ZNF7: variants seen among roughly 807,000 people sequenced by gnomAD.
ZNF7 encodes zinc finger protein 7, also known as C2-H2 type zinc finger protein.
ZNF7 carries 10 observed loss-of-function variants against 12.0 expected under a neutral mutation model. The ratio of observed to expected loss-of-function variants is 0.83; its 90% CI spans 0.51 to 1.42. The LOEUF is 1.42. ZNF7 is among the 40% of genes most tolerant of loss of function. ZNF7 has a pLI of 0.00. For synonymous variants in ZNF7, 334 were observed against 295.0 expected (o/e 1.13, Z -1.35); for missense variants, 854 against 837.2 (o/e 1.02, Z -0.25).
rs370062454 is a variant in ZNF7, at chr8:144,829,495, C to G, written c.21C>G (p.Gly7=). ...CCTTTCAGGAGGTGGTAACATTTGG[C>G]GATGTGGCTGTGCACTTCTCTCGGG... The part of the protein sequence containing the change: MEVVTF[G]DVAVHFSREE... Residue 7 remains glycine (G), a synonymous_variant, in exon 3 of 5, where the codon GGC becomes GGG. Transcript: ENST00000532777. 1 of 1,614,072 alleles carries G rather than the reference C, an allele frequency of 6.2e-7. No individual in the cohort carries two copies.
Position 144,842,148 on chromosome 8 carries a change from G to A in ZNF7, c.1041G>A (p.Ser347=), listed in dbSNP as rs769607840. The change falls in exon 5 of 5, where the codon TCG becomes TCA. Residue 347 remains serine, a synonymous_variant. Transcript: ENST00000532777. ...GTGGGAAAGCCTTCAGCCAGCAGTC[G>A]CAGCTGGTTAGACACCAGAGAACTC... ...RECGKAFSQQ[S]QLVRHQRTHT... 9.9e-6 allele frequency: 16 copies of A among 1,613,278 alleles called. No individual in the cohort carries two copies. Among genetic ancestry groups the A allele is most frequent in the Admixed American group, 1.7e-5 (1 of 59,966 alleles).
At chr8:144,847,340 G>A (rs1266679600), downstream of ZNF7, 3 of 152,248 alleles carry the variant, frequency 2.0e-5, no homozygotes, top group African/African-American at 7.2e-5. Context: ...AGCACTTTGA[G>A]AGGCCAAGGA....
intron 3 of ZNF7, chr8:144,834,166 G>A (rs990453797): frequency 6.6e-6 from 1 of 152,192 alleles, no homozygotes; most frequent in Admixed American, 6.5e-5. Context: ...CAATGTAAAA[G>A]TTTTGATTTT....
chr8:144,843,386 G>A lies in ZNF7; in HGVS notation c.*218G>A, dbSNP rs537540021. On this transcript the variant is annotated 3_prime_UTR_variant, in exon 5 of 5. Transcript: ENST00000532777. ...GGGCACATCACGAGGTCAGGAGGTT[G>A]AGACCATCCTGGGTAACAGGTGAAA... is the stretch of plus-strand genomic sequence containing the variant. 1.6e-4 allele frequency: 76 copies of A among 488,966 alleles called. No individual in the cohort carries two copies. Among genetic ancestry groups the A allele is most frequent in the Non-Finnish European group, 1.3e-4 (37 of 287,092 alleles). 30.3% of individuals were successfully genotyped at this position (488,966 alleles called of 1,614,324 possible).
At chr8:144,840,222 G>C (rs1445825622) in intron 4 of ZNF7, among the ~76,000 whole-genome samples, 1 of 152,234 alleles carries the variant, frequency 6.6e-6, no homozygotes, top group Non-Finnish European at 1.5e-5. Flanking sequence ...TGAGGACCAG[G>C]CCTGGAGATG....
intron 3 of ZNF7, chr8:144,837,132 G>A (rs977813979): frequency 2.1e-5 from 7 of 332,366 alleles, no homozygotes; most frequent in African/African-American, 1.4e-4. Context: ...TTTGCAGACT[G>A]TTTGGTGACA....
downstream of ZNF7, chr8:144,846,250 G>C (rs1830506375): frequency 1.4e-6 from 2 of 1,442,408 alleles, no homozygotes; most frequent in Middle Eastern, 1.8e-4. Flanking sequence ...AAAGGGGCTG[G>C]GGTGCAAGCT....
Position 144,841,561 on chromosome 8 carries a change from T to C in ZNF7, c.454T>C (p.Cys152Arg), listed in dbSNP as rs761187299. 2.4e-5 allele frequency: 39 copies of C among 1,614,076 alleles called. No individual in the cohort carries two copies. The highest frequency in any genetic ancestry group is 3.1e-5 in the Non-Finnish European group (37 of 1,180,022). The change falls in exon 5 of 5, where the codon TGT becomes CGT. Residue 152 changes from cysteine (C) to arginine (R), a missense_variant. Transcript: ENST00000532777. ...KVTGFTFQNN[C>R]LNEETVVPKT... is the part of the protein sequence containing the mutation. ...GACAGGCTTTACCTTCCAAAATAAC[T>C]GTTTGAATGAGGAGACTGTGGTTCC... is the stretch of plus-strand genomic sequence containing the variant.
At chr8:144,846,170 A>G, downstream of ZNF7, 1 of 1,536,052 alleles carries the variant, frequency 6.5e-7, no homozygotes, top group Non-Finnish European at 8.7e-7. Context: ...AGCCATATGG[A>G]TGGTCTGAAA....
chr8:144,830,720 T>C (rs1446167371), intron 3 of ZNF7, among the ~76,000 whole-genome samples: 1 of 151,394 alleles, frequency 6.6e-6, no homozygotes. Context: ...ACACATGCAG[T>C]GAGGGTCCTT....
rs1012863216 is a variant in ZNF7, at chr8:144,827,603, A to G, written c.-52A>G. The stretch of plus-strand genomic sequence containing the variant: ...CGTTTGCGAGCCTCGGGTGGTCCTC[A>G]GGGAGGGTGAGTCGGCGCGGCGGGC... On this transcript the variant is annotated 5_prime_UTR_variant, in exon 1 of 5. Coordinates refer to ENST00000532777, the MANE Select transcript of ZNF7 (RefSeq NM_003416.4). The G allele has an allele frequency of 1.0e-6, 1 of 985,536 alleles. No individual in the cohort carries two copies. Among genetic ancestry groups the G allele is most frequent in the Non-Finnish European group, 1.2e-6 (1 of 830,038 alleles). 61.0% of individuals were successfully genotyped at this position (985,536 alleles called of 1,614,324 possible).
intron 2 of ZNF7, 171 bp from the exon 3 acceptor site, chr8:144,829,307 G>C (rs1828160234): frequency 2.0e-6 from 3 of 1,537,266 alleles, no homozygotes; most frequent in Non-Finnish European, 2.6e-6. Context: ...CATGGACTGG[G>C]TTCCTTCCTC....
chr8:144,845,972 A>T, downstream of ZNF7: 1 of 1,536,186 alleles, frequency 6.5e-7, no homozygotes, highest in Non-Finnish European at 8.7e-7. Flanking sequence ...CTTTTTCTCT[A>T]CTTCAGGCTT....
At chr8:144,837,322 G>A (rs1315626446) in intron 3 of ZNF7, 69 bp from the exon 4 acceptor site, 3 of 1,356,210 alleles carry the variant, frequency 2.2e-6, no homozygotes, top group Non-Finnish European at 3.1e-6. Context: ...GGAAACTGGG[G>A]AAGACTTAGC....
At chr8:144,837,742 A>C (rs1215693998) in intron 4 of ZNF7, among the ~76,000 whole-genome samples, 2 of 152,222 alleles carry the variant, frequency 1.3e-5, no homozygotes, top group African/African-American at 4.8e-5. Flanking sequence ...CATTTCCACA[A>C]AAACGGAGCT....
Position 144,842,852 on chromosome 8 carries a change from A to C in ZNF7, c.1745A>C (p.Glu582Ala), listed in dbSNP as rs147804984. The C allele has an allele frequency of 5.6e-6, 9 of 1,614,050 alleles. No individual in the cohort carries two copies. In the African/African-American group the frequency reaches 8.0e-5, roughly 14 times the overall value. ...ATTCATGCAGGGGTGAAGCCCTATG[A>C]GTGCAGTGAGTGTGGAAAAGCCTTC... is the stretch of plus-strand genomic sequence containing the variant. ...QIIHAGVKPY[E>A]CSECGKAFSR... Residue 582 changes from glutamate (E) to alanine (A), a missense_variant, in exon 5 of 5, where the codon GAG becomes GCG. Coordinates refer to ENST00000532777, the MANE Select transcript of ZNF7 (RefSeq NM_003416.4).
intron 3 of ZNF7, among the ~76,000 whole-genome samples, chr8:144,833,378 CT>C (rs1014539026): frequency 1.1e-4 from 16 of 150,242 alleles, no homozygotes; most frequent in Admixed American, 3.3e-4. Flanking sequence ...GTGTTTTTGG[CT>C]TTTTTTTGAA....
intron 3 of ZNF7, chr8:144,830,879 G>A: frequency 1.3e-5 from 6 of 457,380 alleles, no homozygotes; most frequent in South Asian, 7.8e-5. Context: ...GATTACAGGT[G>A]TGAGCCACCG....
At position 144,841,987 on chromosome 8, in the gene ZNF7, A is replaced by T; in HGVS notation, c.880A>T (p.Ile294Phe). ...AGCCTTCCGCCTGAGCTCAAAACTT[A>T]TTCAGCATCAAAGAATCCACACTGG... is the stretch of plus-strand genomic sequence containing the variant. ...GKAFRLSSKLIQHQRIHTGEK... is the reference protein window; with the variant it reads ...GKAFRLSSKLFQHQRIHTGEK... Residue 294 changes from isoleucine (I) to phenylalanine (F), a missense_variant, in exon 5 of 5, where the codon ATT becomes TTT. Transcript: ENST00000532777. The T allele has an allele frequency of 6.2e-7, 1 of 1,614,206 alleles. No homozygotes were observed. Among genetic ancestry groups the T allele is most frequent in the Non-Finnish European group, 8.5e-7 (1 of 1,180,034 alleles).
Sources: allele counts gnomAD v4.1 joint callset (sites outside exome capture counted in the v4.1 genomes callset), GRCh38; gene constraint gnomAD v4.1.1; transcripts MANE v1.5; gene names NCBI Gene and HGNC (gene_info 2026-07-23, HGNC 2026-07-21).